Variants in CDK19 observed in about 807,000 individuals in gnomAD.
CDK19 encodes cyclin dependent kinase 19, also known as cyclin-dependent kinase 19.
In CDK19, 20 loss-of-function variants were observed where a neutral mutation model predicts 68.3. The ratio of observed to expected loss-of-function variants is 0.29; its 90% CI spans 0.21 to 0.43. The LOEUF is 0.43. Among genes scored for constraint, CDK19 ranks in the 20% least tolerant of loss-of-function variants. CDK19 has a pLI of 1.00. For missense variants in CDK19, 339 were observed against 623.5 expected (o/e 0.54, Z 4.86); for synonymous variants, 221 against 222.8 (o/e 0.99, Z 0.07).
At chr6:110,737,970 A>G (rs1205177664) in intron 2 of CDK19, among the ~76,000 whole-genome samples, 1 of 152,178 alleles carries the variant, frequency 6.6e-6, no homozygotes. Context: ...ACTTAGTTCT[A>G]TTCTCTTAAC....
At chr6:110,717,634 G>A (rs368754377) in intron 2 of CDK19, among the ~76,000 whole-genome samples, 8 of 152,268 alleles carry the variant, frequency 5.3e-5, no homozygotes, top group African/African-American at 1.9e-4. Context: ...TTAAGAAGTG[G>A]GGCCTTTCGG....
At position 110,666,182 on chromosome 6, in the gene CDK19, G is replaced by A. The variant is rs9374190; in HGVS notation, c.456+1252C>T. On this transcript the variant is annotated intron_variant, in intron 4 of 12. Transcript: ENST00000368911. ...TGTAATCCCAGCACTTTGGGAGGCCGAGGAGGGTGGATCACGAGGTCAGGA... is the reference window on the plus strand; with the variant it reads ...TGTAATCCCAGCACTTTGGGAGGCCAAGGAGGGTGGATCACGAGGTCAGGA... 1.1e-4 allele frequency among the ~76,000 whole-genome samples: 16 copies of A among 149,990 alleles called. No individual in the cohort carries two copies. In the East Asian group the frequency reaches 2.4e-3, roughly 22 times the overall value.
At chr6:110,645,869 T>C (rs1467556406) in intron 4 of CDK19, 1 of 690,832 alleles carries the variant, frequency 1.4e-6, no homozygotes. Context: ...TCGAAGAGAC[T>C]ATCGTAGACG....
chr6:110,661,894 A>G (rs1781639229), intron 4 of CDK19, among the ~76,000 whole-genome samples: 1 of 152,234 alleles, frequency 6.6e-6, no homozygotes, highest in Non-Finnish European at 1.5e-5. Flanking sequence ...AGACTTCAAA[A>G]GACTGCAAAT....
intron 2 of CDK19, among the ~76,000 whole-genome samples, chr6:110,716,684 T>G (rs1775425161): frequency 6.6e-6 from 1 of 152,116 alleles, no homozygotes; most frequent in Non-Finnish European, 1.5e-5. Flanking sequence ...GGTAATTTCA[T>G]AAGGGATATA....
At chr6:110,642,116 C>T (rs1056514811) in intron 4 of CDK19, among the ~76,000 whole-genome samples, 19 of 152,138 alleles carry the variant, frequency 1.2e-4, no homozygotes, top group African/African-American at 4.3e-4. Flanking sequence ...GCCTGACCAA[C>T]ATGGTGAAAC....
At chr6:110,744,898 T>G (rs980285282) in intron 2 of CDK19, among the ~76,000 whole-genome samples, 2 of 152,200 alleles carry the variant, frequency 1.3e-5, no homozygotes, top group Admixed American at 1.3e-4. Flanking sequence ...CTAAAAGCGA[T>G]GAAGGAGTGT....
intron 2 of CDK19, among the ~76,000 whole-genome samples, chr6:110,731,830 T>C (rs73528405): frequency 0.019 from 2,939 of 152,272 alleles, 101 homozygotes; most frequent in African/African-American, 0.068. Context: ...TTGTATTTTG[T>C]ATAGACTATG....
chr6:110,692,400 G>A (rs115041769), intron 2 of CDK19, among the ~76,000 whole-genome samples: 80 of 151,682 alleles, frequency 5.3e-4, no homozygotes, highest in African/African-American at 1.8e-3. Context: ...TTTCAGGCTC[G>A]AAGCTAAGGC....
chr6:110,762,062 C>T (rs1158351083), intron 1 of CDK19, among the ~76,000 whole-genome samples: 1 of 152,004 alleles, frequency 6.6e-6, no homozygotes, highest in Non-Finnish European at 1.5e-5. Context: ...TGGAGTTATG[C>T]AAAGGTTCTG....
At chr6:110,635,273 T>C (rs898151531) in intron 5 of CDK19, among the ~76,000 whole-genome samples, 2 of 152,212 alleles carry the variant, frequency 1.3e-5, no homozygotes, top group Non-Finnish European at 2.9e-5. Context: ...TTCTACTAGA[T>C]GCTAAGTCCC....
chr6:110,743,573 C>T (rs1010064148), intron 2 of CDK19, among the ~76,000 whole-genome samples: 17 of 151,814 alleles, frequency 1.1e-4, no homozygotes, highest in African/African-American at 2.9e-4. Flanking sequence ...ACCCAGAAGG[C>T]GGAAATTGCA....
intron 2 of CDK19, among the ~76,000 whole-genome samples, chr6:110,740,785 T>C (rs924652623): frequency 2.0e-5 from 3 of 152,154 alleles, no homozygotes; most frequent in Non-Finnish European, 4.4e-5. Flanking sequence ...TAATGGTATG[T>C]AGAAGGAAGA....
At chr6:110,814,685 G>C in intron 1 of CDK19, 2 of 548,122 alleles carry the variant, frequency 3.6e-6, no homozygotes, top group Non-Finnish European at 7.0e-6. Context: ...TCCCCCAAGA[G>C]ACTAGACCCC....
rs117483794 is a variant in CDK19 at position 110,711,458 on chromosome 6, A to G, written c.204+34668T>C. 1.4e-3 allele frequency among the ~76,000 whole-genome samples: 208 copies of G among 152,370 alleles called. 5 individuals carry two copies. The East Asian group carries it at 0.037, about 27-fold the overall frequency. ...AGGATCAACAAATGTACTCTTACATACAACAGTTTTAAAAGAGGTAAACAA... is the reference window on the plus strand; with the variant it reads ...AGGATCAACAAATGTACTCTTACATGCAACAGTTTTAAAAGAGGTAAACAA... On this transcript the variant is annotated intron_variant, in intron 2 of 12. Transcript: ENST00000368911.
chr6:110,792,134 C>A, intron 1 of CDK19, among the ~76,000 whole-genome samples: 3 of 151,768 alleles, frequency 2.0e-5, no homozygotes. Context: ...CTATGTCCAG[C>A]TAATTTTTGT....
At chr6:110,794,746 C>T (rs1781829043) in intron 1 of CDK19, among the ~76,000 whole-genome samples, 1 of 151,476 alleles carries the variant, frequency 6.6e-6, no homozygotes, top group Non-Finnish European at 1.5e-5. Context: ...TACCAAAACA[C>T]AACATGAAAC....
chr6:110,631,571 G>A (rs1779439182), intron 6 of CDK19, among the ~76,000 whole-genome samples: 1 of 152,190 alleles, frequency 6.6e-6, no homozygotes, highest in South Asian at 2.1e-4. Context: ...TCTCATAACT[G>A]TAATGGCAAG....
At chr6:110,795,188 C>A (rs1335292129) in intron 1 of CDK19, among the ~76,000 whole-genome samples, 1 of 152,140 alleles carries the variant, frequency 6.6e-6, no homozygotes, top group East Asian at 1.9e-4. Context: ...ACAGGCTAGT[C>A]TGGAACTCCT....
Sources: gnomAD v4.1 joint callset for allele counts (sites outside exome capture counted in the v4.1 genomes callset) on GRCh38, gnomAD v4.1.1 for gene constraint, MANE v1.5 for transcripts, NCBI Gene and HGNC (gene_info 2026-07-23, HGNC 2026-07-21) for gene names.